Variants in TMEM132B observed in about 807,000 individuals in gnomAD.
TMEM132B encodes the protein transmembrane protein 132B.
Under a neutral mutation model 90.8 loss-of-function variants are expected in TMEM132B, and 18 were observed. That is an observed-to-expected ratio of 0.20 (90% CI 0.14 to 0.29). TMEM132B has a LOEUF of 0.29. Ranked by LOEUF, TMEM132B falls within the 10% of genes least tolerant of loss-of-function variation. The probability of loss-of-function intolerance (pLI) is 1.00; values close to 1 mark genes in which losing one functional copy is unlikely to be tolerated. For missense variants in TMEM132B, 1,096 were observed against 1,326.8 expected, an observed-to-expected ratio of 0.83 and a Z score of 2.70; for synonymous variants, 504 against 523.3, an observed-to-expected ratio of 0.96 and a Z score of 0.50.
intron 4 of TMEM132B, among the ~76,000 whole-genome samples, chr12:125,529,083 T>C (rs1447299450): frequency 6.6e-6 from 1 of 150,898 alleles, no homozygotes; most frequent in African/African-American, 2.4e-5. Context: ...CTTCTCCTCC[T>C]TCCTCTTCCT....
intron 1 of TMEM132B, among the ~76,000 whole-genome samples, chr12:125,308,018 A>G (rs887909175): frequency 2.3e-4 from 32 of 140,164 alleles, no homozygotes; most frequent in South Asian, 2.2e-4. Context: ...ATAAGTATAT[A>G]TAAGTAATAC....
At chr12:125,329,447 G>T (rs748374058) in intron 1 of TMEM132B, among the ~76,000 whole-genome samples, 1 of 152,206 alleles carries the variant, frequency 6.6e-6, no homozygotes, top group Non-Finnish European at 1.5e-5. Flanking sequence ...TCACTCACCA[G>T]GCAGCCCAGC....
Position 125,460,642 on chromosome 12 carries a change from A to C in TMEM132B, c.1106+44965A>C, listed in dbSNP as rs1293738817. On this transcript the variant is annotated intron_variant, in intron 3 of 8. Transcript: ENST00000682704. The surrounding 1 kb of genome is among the most constrained non-coding windows in gnomAD (Gnocchi z 4.4). ...CCGTTTGAGTATCTGCGGCCTTTTC[A>C]TTGTTCTCAGCCCATAGACCAGAGT... Among the ~76,000 whole-genome samples the C allele has an allele frequency of 1.3e-5, 2 of 152,120 alleles. No homozygotes were observed. The highest frequency in any genetic ancestry group is 4.8e-5 in the African/African-American group (2 of 41,424).
intron 1 of TMEM132B, among the ~76,000 whole-genome samples, chr12:125,228,734 A>G (rs1210864367): frequency 6.6e-6 from 1 of 152,184 alleles, no homozygotes; most frequent in African/African-American, 2.4e-5. Flanking sequence ...GTTGGCTGCT[A>G]GAATAACATT....
chr12:125,342,793 A>C (rs1877228298), intron 1 of TMEM132B, among the ~76,000 whole-genome samples: 1 of 152,094 alleles, frequency 6.6e-6, no homozygotes, highest in African/African-American at 2.4e-5. Flanking sequence ...ACAAAAGGCA[A>C]GTGTCACTCC....
chr12:125,484,439 T>TG (rs1882147793), intron 3 of TMEM132B, among the ~76,000 whole-genome samples: 1 of 151,916 alleles, frequency 6.6e-6, no homozygotes, highest in South Asian at 2.1e-4. Flanking sequence ...GATCAAGGGG[T>TG]GAGGAGCTGA....
At chr12:125,403,874 C>G (rs1343568645) in intron 2 of TMEM132B, among the ~76,000 whole-genome samples, 1 of 152,200 alleles carries the variant, frequency 6.6e-6, no homozygotes, top group Non-Finnish European at 1.5e-5. Context: ...GTCCCTCTAC[C>G]CTAGATGCCA....
At chr12:125,431,656 C>G (rs7303902) in intron 3 of TMEM132B, among the ~76,000 whole-genome samples, 47,739 of 152,088 alleles carry the variant, frequency 0.31, 7,656 homozygotes, top group African/African-American at 0.39. Flanking sequence ...AGGCTGTGCT[C>G]AGCCTTCCAG....
intron 3 of TMEM132B, among the ~76,000 whole-genome samples, chr12:125,444,063 T>C (rs989142641): frequency 2.0e-5 from 3 of 152,218 alleles, no homozygotes; most frequent in Admixed American, 2.0e-4. Flanking sequence ...TCCTCCTTTC[T>C]CTTAAAGGTG....
intron 2 of TMEM132B, among the ~76,000 whole-genome samples, chr12:125,360,480 T>G (rs1436512806): frequency 6.6e-6 from 1 of 152,216 alleles, no homozygotes; most frequent in African/African-American, 2.4e-5. Flanking sequence ...GGTGAACTGG[T>G]AGCAATTAGA....
intron 5 of TMEM132B, among the ~76,000 whole-genome samples, chr12:125,640,652 T>G (rs909677313): frequency 6.9e-6 from 1 of 143,900 alleles, no homozygotes; most frequent in African/African-American, 2.5e-5. Context: ...GAGACAGCCC[T>G]GGGCCAGCAG....
intron 4 of TMEM132B, among the ~76,000 whole-genome samples, chr12:125,563,938 C>T (rs1196995692): frequency 6.6e-6 from 1 of 152,164 alleles, no homozygotes. Context: ...TGTGGCCCTG[C>T]TGACACCCTG....
intron 1 of TMEM132B, among the ~76,000 whole-genome samples, chr12:125,224,391 GTC>G (rs1370796934): frequency 6.6e-6 from 1 of 152,206 alleles, no homozygotes. Context: ...TGAAAATTCA[GTC>G]TCTGTTTTAA....
In TMEM132B at chr12:125,458,914, G is replaced by A. The variant is rs920157110; in HGVS notation, c.1106+43237G>A. Among the ~76,000 whole-genome samples the A allele has an allele frequency of 2.0e-5, 3 of 152,218 alleles. No homozygotes were observed. The highest frequency in any genetic ancestry group is 7.2e-5 in the African/African-American group (3 of 41,446). On this transcript the variant is annotated intron_variant, in intron 3 of 8. Transcript: ENST00000682704. This position sits in a 1 kb window ranked among gnomAD's most constrained non-coding sequence, Gnocchi z 4.9. Reference sequence around the variant, plus strand: ...CTCCTGACAGCACAGATGTGGCAGTGTGGAATCATGAATGTTATCTGCCCT... The same window carrying A: ...CTCCTGACAGCACAGATGTGGCAGTATGGAATCATGAATGTTATCTGCCCT...
rs962556669 is a variant in TMEM132B, at chr12:125,402,407, C to T, written c.960-13124C>T. ...GGCCAGGCTGGTCCTGAACTCCTCA[C>T]CTCAGGTGACCTGCCCACTTTGGGC... On this transcript the variant is annotated intron_variant, in intron 2 of 8. Transcript: ENST00000682704. Among the ~76,000 whole-genome samples the T allele has an allele frequency of 2.8e-4, 42 of 152,190 alleles. 2 individuals carry two copies.
chr12:125,272,620 G>A (rs181890460), intron 1 of TMEM132B, among the ~76,000 whole-genome samples: 127 of 152,282 alleles, frequency 8.3e-4, no homozygotes, highest in Admixed American at 4.6e-3. Flanking sequence ...GGCATGTGGC[G>A]CGGGCGGGTG....
rs561952267 is a variant in TMEM132B, at chr12:125,307,474, C to G, written c.68-41978C>G. Among the ~76,000 whole-genome samples the G allele has an allele frequency of 1.9e-3, 293 of 152,194 alleles. 3 individuals carry two copies. The highest frequency in any genetic ancestry group is 0.014 in the Middle Eastern group (4 of 294). On this transcript the variant is annotated intron_variant, in intron 1 of 8. Transcript: ENST00000682704. ...AATAGGAATAATAATAGCACTCAAC[C>G]TCTTAGGACCGTTGTTGGATTGAAT... is the stretch of plus-strand genomic sequence containing the variant.
intron 1 of TMEM132B, among the ~76,000 whole-genome samples, chr12:125,296,328 C>G (rs1192340898): frequency 6.6e-6 from 1 of 152,208 alleles, no homozygotes; most frequent in African/African-American, 2.4e-5. Flanking sequence ...GTTCCCTTGC[C>G]AGGAGTGCGC....
rs1354431791 is a variant in TMEM132B at position 125,408,281 on chromosome 12, G to A, written c.960-7250G>A. 2.0e-5 allele frequency among the ~76,000 whole-genome samples: 3 copies of A among 152,150 alleles called. No homozygotes were observed. The highest frequency in any genetic ancestry group is 7.2e-5 in the African/African-American group (3 of 41,420). ...AGTTCCGTTGTCAATGGGTGCTAGG[G>A]TCTGAACGTCTGTATCCCCCACAAA... On this transcript the variant is annotated intron_variant, in intron 2 of 8. Coordinates refer to ENST00000682704, the MANE Select transcript of TMEM132B (RefSeq NM_001366854.1). The surrounding 1 kb of genome is among the most constrained non-coding windows in gnomAD (Gnocchi z 5.9).
Sources: gnomAD v4.1 joint callset for allele counts (sites outside exome capture counted in the v4.1 genomes callset) on GRCh38, gnomAD v4.1.1 for gene constraint, Gnocchi (gnomAD v3.1) non-coding constraint, MANE v1.5 for transcripts, NCBI Gene and HGNC (gene_info 2026-07-23, HGNC 2026-07-21) for gene names.